FBXW8: variants seen among roughly 807,000 people sequenced by gnomAD.
FBXW8 encodes the protein F-box/WD repeat-containing protein 8.
FBXW8 carries 57 observed loss-of-function variants against 65.3 expected under a neutral mutation model. The ratio of observed to expected loss-of-function variants is 0.87; its 90% CI spans 0.71 to 1.09. FBXW8 has a LOEUF of 1.09. FBXW8 is among the 50% of genes least tolerant of loss of function. FBXW8 has a pLI of 0.00. For synonymous variants in FBXW8, 308 were observed against 330.2 expected, an observed-to-expected ratio of 0.93 and a Z score of 0.73; for missense variants, 777 against 814.8, an observed-to-expected ratio of 0.95 and a Z score of 0.57.
rs1954118494 is a variant in FBXW8, at chr12:117,022,353, A to AT, written c.1368-1792dup. On this transcript the variant is annotated intron_variant, in intron 8 of 10. Transcript: ENST00000652555. ...ATAGATTATAGTGACTAAAGAAACT[A>AT]TTAAAAAAAAAAAAAAACAGGCTGG... 1.4e-5 allele frequency among the ~76,000 whole-genome samples: 2 copies of AT among 147,352 alleles called. 1 individual carries two copies. The highest frequency in any genetic ancestry group is 4.4e-4 in the South Asian group (2 of 4,530).
chr12:116,964,295 T>C (rs1220728129), intron 4 of FBXW8, among the ~76,000 whole-genome samples: 1 of 152,248 alleles, frequency 6.6e-6, no homozygotes, highest in Non-Finnish European at 1.5e-5. Context: ...CTGCAGCATC[T>C]CTCTCTGTCT....
chr12:116,987,520 G>A (rs886682000), intron 6 of FBXW8, among the ~76,000 whole-genome samples: 1 of 152,306 alleles, frequency 6.6e-6, no homozygotes. Context: ...AGAAACATGC[G>A]TGTTTGTAGA....
intron 8 of FBXW8, among the ~76,000 whole-genome samples, chr12:117,020,683 C>G (rs1433910236): frequency 6.6e-6 from 1 of 152,208 alleles, no homozygotes; most frequent in Non-Finnish European, 1.5e-5. Context: ...ATACTCCGCT[C>G]CCTGCCTAGG....
At chr12:117,025,110 C>T (rs964456137) in intron 9 of FBXW8, among the ~76,000 whole-genome samples, 3 of 152,174 alleles carry the variant, frequency 2.0e-5, no homozygotes, top group Admixed American at 2.0e-4. Flanking sequence ...GCCCTGCAGG[C>T]CTCGAACAGG....
intron 4 of FBXW8, chr12:116,949,950 C>A (rs1016922910): frequency 1.1e-5 from 5 of 462,310 alleles, no homozygotes; most frequent in Non-Finnish European, 1.2e-5. Flanking sequence ...ATGTCTTTCC[C>A]AGCTTTTAAA....
intron 1 of FBXW8, among the ~76,000 whole-genome samples, chr12:116,922,257 C>T (rs970627986): frequency 1.4e-4 from 21 of 151,854 alleles, no homozygotes; most frequent in East Asian, 3.9e-4. Flanking sequence ...CAGTTTTTTT[C>T]TTCTCAAAGA....
intron 7 of FBXW8, among the ~76,000 whole-genome samples, chr12:116,991,814 G>T (rs1166602239): frequency 1.3e-5 from 2 of 152,212 alleles, no homozygotes; most frequent in Non-Finnish European, 2.9e-5. Context: ...TTGACTTTTA[G>T]TCAGAAACTT....
intron 2 of FBXW8, among the ~76,000 whole-genome samples, chr12:116,937,853 CT>C (rs11429387): frequency 3.7e-4 from 54 of 147,092 alleles, no homozygotes; most frequent in African/African-American, 8.7e-4. Context: ...GAGCCAACAG[CT>C]TTTTTTTTTT....
intron 8 of FBXW8, among the ~76,000 whole-genome samples, chr12:117,015,173 G>A (rs1953921871): frequency 6.6e-6 from 1 of 152,088 alleles, no homozygotes; most frequent in Admixed American, 6.5e-5. Context: ...CTGCATGTTG[G>A]AGCCCATACT....
intron 7 of FBXW8, among the ~76,000 whole-genome samples, chr12:117,008,825 G>C (rs1408381044): frequency 3.9e-5 from 6 of 152,206 alleles, no homozygotes; most frequent in Non-Finnish European, 7.3e-5. Context: ...CTGAGGCCAG[G>C]CGTGCTGGCT....
At chr12:116,912,481 G>A (rs1880052317) in intron 1 of FBXW8, among the ~76,000 whole-genome samples, 1 of 129,284 alleles carries the variant, frequency 7.7e-6, no homozygotes, top group African/African-American at 2.9e-5. Flanking sequence ...TTGAGACGGA[G>A]TCTCGCTCGC....
intron 8 of FBXW8, among the ~76,000 whole-genome samples, chr12:117,012,907 G>C (rs569875277): frequency 6.6e-6 from 1 of 152,264 alleles, no homozygotes; most frequent in African/African-American, 2.4e-5. Flanking sequence ...TCAGTTTTAA[G>C]TAGTTTGCAA....
At chr12:116,933,126 T>G (rs2137319174) in intron 2 of FBXW8, among the ~76,000 whole-genome samples, 1 of 152,350 alleles carries the variant, frequency 6.6e-6, no homozygotes, top group East Asian at 1.9e-4. Flanking sequence ...ATTTGTTATA[T>G]TCTAACTTTA....
chr12:116,966,739 G>GTTTTTTT, intron 5 of FBXW8, among the ~76,000 whole-genome samples: 1 of 151,820 alleles, frequency 6.6e-6, no homozygotes. Context: ...TTTTGAGACA[G>GTTTTTTT]GGTTTTGCTG....
intron 8 of FBXW8, among the ~76,000 whole-genome samples, chr12:117,020,191 G>C (rs776103543): frequency 6.6e-6 from 1 of 152,200 alleles, no homozygotes; most frequent in Non-Finnish European, 1.5e-5. Flanking sequence ...CTAGTTAATC[G>C]TGTCACCTAC....
rs1491179338 is a variant in FBXW8, at chr12:116,955,047, G to GC, written c.677+5341_677+5342insC. Reference sequence around the variant, plus strand: ...TTCCCCTCTTGAAATGGGGGGGGGGGGCCCTGTATTAAGCATCTGTATGCC... The same window carrying GC: ...TTCCCCTCTTGAAATGGGGGGGGGGGCGCCCTGTATTAAGCATCTGTATGCC... On this transcript the variant is annotated intron_variant, in intron 4 of 10. Coordinates refer to ENST00000652555, the MANE Select transcript of FBXW8 (RefSeq NM_153348.3). Among the ~76,000 whole-genome samples, 12 of 150,116 alleles carry GC rather than the reference G, an allele frequency of 8.0e-5. 1 individual carries two copies. In the East Asian group the frequency reaches 2.0e-3, roughly 25 times the overall value.
chr12:117,018,381 G>A (rs1193647141), intron 8 of FBXW8, among the ~76,000 whole-genome samples: 1 of 152,216 alleles, frequency 6.6e-6, no homozygotes, highest in Non-Finnish European at 1.5e-5. Context: ...CCTGGAATCG[G>A]TTGTCTTGGC....
intron 5 of FBXW8, among the ~76,000 whole-genome samples, chr12:116,972,499 C>G (rs1388853816): frequency 6.6e-6 from 1 of 152,096 alleles, no homozygotes; most frequent in Admixed American, 6.5e-5. Flanking sequence ...TGCTTGCCTG[C>G]CTTTTCATTC....
chr12:116,950,939 A>G (rs962819461), intron 4 of FBXW8: 2 of 152,232 alleles, frequency 1.3e-5, no homozygotes. Flanking sequence ...AGAGTGTCAG[A>G]AGACACTTGA....
Sources: gnomAD v4.1 joint callset for allele counts (sites outside exome capture counted in the v4.1 genomes callset) on GRCh38, gnomAD v4.1.1 for gene constraint, MANE v1.5 for transcripts, NCBI Gene and HGNC (gene_info 2026-07-23, HGNC 2026-07-21) for gene names.